AKR1A1: variants seen among roughly 807,000 people sequenced by gnomAD.
AKR1A1 encodes aldo-keto reductase family 1 member A1.
In AKR1A1, 26 loss-of-function variants were observed where a neutral mutation model predicts 39.2. The observed-to-expected ratio is 0.66, with a 90% confidence interval of 0.49 to 0.92. The LOEUF is 0.92. Among genes scored for constraint, AKR1A1 ranks in the 40% least tolerant of loss-of-function variants. The pLI is 0.00. For synonymous variants in AKR1A1, 141 were observed against 155.5 expected (o/e 0.91, Z 0.69); for missense variants, 378 against 406.5 (o/e 0.93, Z 0.60).
intron 1 of AKR1A1, among the ~76,000 whole-genome samples, chr1:45,561,445 C>T (rs183439506): frequency 2.6e-5 from 4 of 151,964 alleles, no homozygotes; most frequent in African/African-American, 9.7e-5. Context: ...ACTCTGTCAC[C>T]CAGGCTGGAG....
At chr1:45,562,372 C>T (rs376910549) in intron 2 of AKR1A1, among the ~76,000 whole-genome samples, 2 of 146,032 alleles carry the variant, frequency 1.4e-5, no homozygotes, top group East Asian at 2.0e-4. Context: ...GACAGGGTCT[C>T]GCTCTGTTGC....
chr1:45,569,001 T>A lies in AKR1A1; in HGVS notation c.825+2T>A, dbSNP rs1216056377. On this transcript the variant is annotated splice_donor_variant, in intron 7 of 8. Transcript: ENST00000351829. LOFTEE classifies it high-confidence loss of function. ...TCTCGAATCCTTCAGAACATCAAGG[T>A]ACTTGGTAATGGGTTCTATCTTCTT... 6.2e-7 allele frequency: 1 copy of A among 1,613,970 alleles called. No homozygotes were observed. The highest frequency in any genetic ancestry group is 1.1e-5 in the South Asian group (1 of 91,072).
chr1:45,566,076 C>T (rs1399455854), intron 2 of AKR1A1, among the ~76,000 whole-genome samples: 1 of 151,940 alleles, frequency 6.6e-6, no homozygotes, highest in African/African-American at 2.4e-5. Flanking sequence ...GGCTTCTGGT[C>T]CCTTAGACTG....
In AKR1A1 at chr1:45,569,014, G is replaced by A. The variant is rs1185234656; in HGVS notation, c.825+15G>A. ...AGAACATCAAGGTACTTGGTAATGG[G>A]TTCTATCTTCTTTAGCTCTTTGGGA... is the stretch of plus-strand genomic sequence containing the variant. On this transcript the variant is annotated intron_variant, in intron 7 of 8. Coordinates refer to ENST00000351829, the MANE Select transcript of AKR1A1 (RefSeq NM_153326.3). The A allele has an allele frequency of 6.2e-7, 1 of 1,613,524 alleles. No individual in the cohort carries two copies. The highest frequency in any genetic ancestry group is 8.5e-7 in the Non-Finnish European group (1 of 1,179,488).
intron 1 of AKR1A1, among the ~76,000 whole-genome samples, chr1:45,557,501 G>A (rs1258732517): frequency 6.6e-6 from 1 of 152,188 alleles, no homozygotes; most frequent in Non-Finnish European, 1.5e-5. Flanking sequence ...GCAAAAGAAA[G>A]GGAGAAGCAA....
chr1:45,555,790 C>T (rs1470700029), intron 1 of AKR1A1, among the ~76,000 whole-genome samples: 2 of 152,102 alleles, frequency 1.3e-5, no homozygotes, highest in African/African-American at 4.8e-5. Context: ...GATTCAAACC[C>T]AGGTCTGCGT....
chr1:45,565,115 C>A (rs1184510245), intron 2 of AKR1A1, among the ~76,000 whole-genome samples: 2 of 146,050 alleles, frequency 1.4e-5, no homozygotes, highest in African/African-American at 5.1e-5. Context: ...AGCCACCACA[C>A]CCAGCCATTT....
rs1644344460 is a variant in AKR1A1, at chr1:45,566,429, A to G, written c.85-140A>G. On this transcript the variant is annotated intron_variant, in intron 2 of 8. Coordinates refer to ENST00000351829, the MANE Select transcript of AKR1A1 (RefSeq NM_153326.3). ...AGGCGTGAGCCACCGCGCCCAGTTCATCTTCCATCTTTTCACCTCCACTGC... is the reference window on the plus strand; with the variant it reads ...AGGCGTGAGCCACCGCGCCCAGTTCGTCTTCCATCTTTTCACCTCCACTGC... 1.4e-5 allele frequency: 19 copies of G among 1,327,808 alleles called. No individual in the cohort carries two copies. In the South Asian group the frequency reaches 2.6e-4, roughly 18 times the overall value. 82.3% of individuals were successfully genotyped at this position (1,327,808 alleles called of 1,614,324 possible). A position where few individuals can be genotyped will look rare whatever the true frequency, so the allele number is the denominator to read the frequency against.
intron 2 of AKR1A1, among the ~76,000 whole-genome samples, chr1:45,562,179 C>A (rs1270399849): frequency 6.6e-6 from 1 of 152,120 alleles, no homozygotes; most frequent in African/African-American, 2.4e-5. Flanking sequence ...AGTTATCACC[C>A]TGTGCTGTGA....
chr1:45,568,778 C>T (rs1644378881), intron 6 of AKR1A1, 94 bp downstream of exon 6: 1 of 1,559,382 alleles, frequency 6.4e-7, no homozygotes, highest in Non-Finnish European at 8.8e-7. Context: ...AGGATCTTGC[C>T]TTGTGATCTG....
intron 1 of AKR1A1, chr1:45,552,551 T>C (rs1418922776): frequency 6.6e-6 from 1 of 152,194 alleles, no homozygotes; most frequent in Non-Finnish European, 1.5e-5. Flanking sequence ...GAGCAGCAGC[T>C]AGCCAGGCAA....
intron 1 of AKR1A1, among the ~76,000 whole-genome samples, chr1:45,559,634 C>CTTTTTTT (rs71056306): frequency 9.6e-5 from 7 of 73,148 alleles, no homozygotes; most frequent in Middle Eastern, 0.02. Flanking sequence ...CTTTTCTTTT[C>CTTTTTTT]TTTTTTTTTT....
intron 2 of AKR1A1, among the ~76,000 whole-genome samples, chr1:45,566,042 C>T (rs769857164): frequency 6.6e-6 from 1 of 152,064 alleles, no homozygotes; most frequent in Non-Finnish European, 1.5e-5. Context: ...GGGAGCAGAG[C>T]AAAGGGTTTG....
At chr1:45,558,186 G>A (rs929393350) in intron 1 of AKR1A1, among the ~76,000 whole-genome samples, 1 of 151,298 alleles carries the variant, frequency 6.6e-6, no homozygotes, top group African/African-American at 2.4e-5. Context: ...AAAGTGCTGG[G>A]GTTACAGACG....
chr1:45,564,335 G>T (rs759575212), intron 2 of AKR1A1, among the ~76,000 whole-genome samples: 4 of 152,082 alleles, frequency 2.6e-5, no homozygotes, highest in African/African-American at 9.7e-5. Context: ...GTCGGCACCC[G>T]GGTGGGGATC....
rs369315203 is a variant in AKR1A1 at position 45,566,703 on chromosome 1, T to G, written c.204+15T>G. 4.3e-6 allele frequency: 7 copies of G among 1,613,736 alleles called. No homozygotes were observed. Among genetic ancestry groups the G allele is most frequent in the Non-Finnish European group, 5.9e-6 (7 of 1,179,868 alleles). On this transcript the variant is annotated intron_variant, in intron 3 of 8. Coordinates refer to ENST00000351829, the MANE Select transcript of AKR1A1 (RefSeq NM_153326.3). The stretch of plus-strand genomic sequence containing the variant: ...GACCAGGCAAGGTAAGGACTGGGGT[T>G]GTAAATAGAGGTGGGATAAGAGAAC...
intron 1 of AKR1A1, among the ~76,000 whole-genome samples, chr1:45,557,064 C>A (rs564653139): frequency 1.3e-5 from 2 of 151,602 alleles, no homozygotes; most frequent in South Asian, 4.2e-4. Context: ...GTGGCACATG[C>A]CTGTAATCCC....
At chr1:45,554,744 G>A (rs1230401075) in intron 1 of AKR1A1, among the ~76,000 whole-genome samples, 1 of 152,150 alleles carries the variant, frequency 6.6e-6, no homozygotes, top group East Asian at 1.9e-4. Context: ...AAGCTGGAGT[G>A]CAGTGGTGTG....
chr1:45,567,893 G>T, intron 4 of AKR1A1, 89 bp from the exon 5 acceptor site: 1 of 1,245,888 alleles, frequency 8.0e-7, no homozygotes, highest in Non-Finnish European at 1.1e-6. Flanking sequence ...CTCTGGGATT[G>T]GAGTTTGGGA....
Sources: allele counts gnomAD v4.1 joint callset (sites outside exome capture counted in the v4.1 genomes callset), GRCh38; gene constraint gnomAD v4.1.1; transcripts MANE v1.5; gene names NCBI Gene and HGNC (gene_info 2026-07-23, HGNC 2026-07-21).